PTBP3: variants seen among roughly 807,000 people sequenced by gnomAD.
PTBP3 encodes polypyrimidine tract-binding protein 3.
PTBP3 carries 20 observed loss-of-function variants against 58.7 expected under a neutral mutation model. The observed-to-expected ratio is 0.34, with a 90% CI of 0.24 to 0.50. PTBP3 has a LOEUF of 0.50. Ranked by LOEUF, PTBP3 falls within the 20% of genes least tolerant of loss-of-function variation. PTBP3 has a pLI of 0.98. For missense variants in PTBP3, 509 were observed against 637.2 expected (o/e 0.80, Z 2.17); for synonymous variants, 185 against 219.8 (o/e 0.84, Z 1.40).
chr9:112,283,121 A>G (rs1488403084), intron 2 of PTBP3, among the ~76,000 whole-genome samples: 1 of 152,182 alleles, frequency 6.6e-6, no homozygotes, highest in African/African-American at 2.4e-5. Context: ...TTCTTTATAA[A>G]TTATCCAGTC....
intron 2 of PTBP3, among the ~76,000 whole-genome samples, chr9:112,285,508 CA>C (rs1220944390): frequency 1.3e-5 from 2 of 152,168 alleles, no homozygotes; most frequent in African/African-American, 4.8e-5. Context: ...TCAATTAGAT[CA>C]AGCTGGTTAA....
the PTBP3 span, among the ~76,000 whole-genome samples, chr9:112,378,408 GCT>G: frequency 1.2e-4 from 19 of 152,342 alleles, no homozygotes; most frequent in Non-Finnish European, 2.5e-4. Flanking sequence ...TCTTCGTTGA[GCT>G]CTCTTTCCGT....
the PTBP3 span, among the ~76,000 whole-genome samples, chr9:112,343,705 C>T: frequency 2.6e-5 from 4 of 151,594 alleles, no homozygotes; most frequent in South Asian, 2.1e-4. Context: ...CAGGGAAAAT[C>T]GCTTGAACCC....
At chr9:112,336,401 T>G (rs1830576534), upstream of PTBP3, among the ~76,000 whole-genome samples, 2 of 152,088 alleles carry the variant, frequency 1.3e-5, no homozygotes, top group African/African-American at 4.8e-5. Context: ...TATAAAGCCT[T>G]TATAGCCTTT....
At chr9:112,248,789 T>C (rs1835986975) in intron 7 of PTBP3, among the ~76,000 whole-genome samples, 2 of 152,298 alleles carry the variant, frequency 1.3e-5, no homozygotes, top group South Asian at 4.1e-4. Flanking sequence ...ATGTACTTCT[T>C]AGAGAAAACT....
chr9:112,309,741 T>C (rs936957076), intron 1 of PTBP3, among the ~76,000 whole-genome samples: 1 of 151,824 alleles, frequency 6.6e-6, no homozygotes, highest in Admixed American at 6.6e-5. Flanking sequence ...TGAGCTGAGA[T>C]TGTGCCACTG....
intron 1 of PTBP3, among the ~76,000 whole-genome samples, chr9:112,332,034 A>T (rs1189172698): frequency 1.4e-5 from 2 of 141,254 alleles, no homozygotes; most frequent in African/African-American, 5.4e-5. Context: ...CGACCACAAA[A>T]TTTTTCAACA....
At position 112,223,440 on chromosome 9, in the gene PTBP3, C is replaced by T; in HGVS notation, c.*411G>A. 1 of 915,834 alleles carries T rather than the reference C, an allele frequency of 1.1e-6. No individual in the cohort carries two copies. Among genetic ancestry groups the T allele is most frequent in the African/African-American group, 1.8e-5 (1 of 55,520 alleles). The allele number at this position is 915,834 out of a possible 1,614,324, so 56.7% of individuals were successfully genotyped here. A position where few individuals can be genotyped will look rare whatever the true frequency, so the allele number is the denominator to read the frequency against. On this transcript the variant is annotated 3_prime_UTR_variant, in exon 14 of 14. Transcript: ENST00000374257. Reference sequence around the variant, plus strand: ...ACTTGGTCATAAGTGATTTAAATTACTTACATCAAGTAATTTTAGAAGTCT... The same window carrying T: ...ACTTGGTCATAAGTGATTTAAATTATTTACATCAAGTAATTTTAGAAGTCT...
intron 7 of PTBP3, among the ~76,000 whole-genome samples, 183 bp from the exon 8 acceptor site, chr9:112,235,080 CT>C (rs1835390494): frequency 6.6e-6 from 1 of 152,144 alleles, no homozygotes; most frequent in Non-Finnish European, 1.5e-5. Flanking sequence ...AAGGCTAACC[CT>C]TTTCAATTGG....
At chr9:112,302,564 G>A (rs1828983362) in intron 1 of PTBP3, among the ~76,000 whole-genome samples, 4 of 142,910 alleles carry the variant, frequency 2.8e-5, no homozygotes, top group African/African-American at 1.0e-4. Flanking sequence ...AATCCCAAAA[G>A]CTGACTATAT....
intron 12 of PTBP3, 98 bp downstream of exon 12, chr9:112,227,313 T>C (rs1352397331): frequency 3.9e-6 from 5 of 1,288,964 alleles, no homozygotes; most frequent in Non-Finnish European, 5.6e-6. Context: ...CCAGGACAAC[T>C]GCTAGGTTAG....
At chr9:112,376,207 G>A in the PTBP3 span, among the ~76,000 whole-genome samples, 2 of 12,730 alleles carry the variant, frequency 1.6e-4, no homozygotes, top group African/African-American at 4.3e-4. Context: ...ACGTGTGTGT[G>A]TGTGTGTGTG....
chr9:112,285,501 A>G (rs1828071385), intron 2 of PTBP3, among the ~76,000 whole-genome samples: 1 of 152,226 alleles, frequency 6.6e-6, no homozygotes, highest in Non-Finnish European at 1.5e-5. Context: ...TATACTGTCA[A>G]TTAGATCAAG....
At chr9:112,348,116 A>G in the PTBP3 span, among the ~76,000 whole-genome samples, 1 of 152,192 alleles carries the variant, frequency 6.6e-6, no homozygotes, top group Non-Finnish European at 1.5e-5. Flanking sequence ...TAGACAGTGT[A>G]TTATTGCATA....
Position 112,236,797 on chromosome 9 carries a change from A to T in PTBP3, c.803-1900T>A, listed in dbSNP as rs566494538. 2.6e-5 allele frequency among the ~76,000 whole-genome samples: 4 copies of T among 152,250 alleles called. No homozygotes were observed. In the East Asian group the frequency reaches 7.7e-4, roughly 29 times the overall value. On this transcript the variant is annotated intron_variant, in intron 7 of 13. Transcript: ENST00000374257. Reference sequence around the variant, plus strand: ...AGCCTTTAAATGGCATTAAGGGTTTATATCTGCTCCCTTATTCTCGACTCT... The same window carrying T: ...AGCCTTTAAATGGCATTAAGGGTTTTTATCTGCTCCCTTATTCTCGACTCT...
rs1203914348 is a variant in PTBP3 at position 112,222,167 on chromosome 9, G to A, written c.*1684C>T. On this transcript the variant is annotated 3_prime_UTR_variant, in exon 14 of 14. Coordinates refer to ENST00000374257, the MANE Select transcript of PTBP3 (RefSeq NM_001163788.4). ...TTGAGAATCTGAAAAGTGTAAAAGG[G>A]GTAGACAAAAAAATGACCCTTTTGA... 2 of 985,202 alleles carry A rather than the reference G, an allele frequency of 2.0e-6. No individual in the cohort carries two copies. The highest frequency in any genetic ancestry group is 3.5e-5 in the African/African-American group (2 of 57,144). The allele number at this position is 985,202 out of a possible 1,614,324, so 61.0% of individuals were successfully genotyped here.
chr9:112,267,388 C>T (rs537004986), intron 4 of PTBP3, among the ~76,000 whole-genome samples: 22 of 152,130 alleles, frequency 1.4e-4, no homozygotes, highest in East Asian at 3.9e-4. Flanking sequence ...AGGATGGTCT[C>T]GATCTCCTGA....
At chr9:112,339,031 G>A in the PTBP3 span, among the ~76,000 whole-genome samples, 1 of 152,160 alleles carries the variant, frequency 6.6e-6, no homozygotes, top group African/African-American at 2.4e-5. Context: ...CTAGGTTCCA[G>A]TGTCTCCCAG....
chr9:112,333,051 CAGG>C (rs1254259307), intron 1 of PTBP3: 1 of 1,267,828 alleles, frequency 7.9e-7, no homozygotes, highest in Non-Finnish European at 9.9e-7. Flanking sequence ...ACTCCCCCGG[CAGG>C]AGGACGCCCG....
Sources: gnomAD v4.1 joint callset for allele counts (sites outside exome capture counted in the v4.1 genomes callset) on GRCh38, gnomAD v4.1.1 for gene constraint, MANE v1.5 for transcripts, NCBI Gene and HGNC (gene_info 2026-07-23, HGNC 2026-07-21) for gene names.